Variants in PTPRT observed in about 807,000 individuals in gnomAD.
The protein encoded by PTPRT is protein tyrosine phosphatase receptor type T, also known as receptor-type tyrosine-protein phosphatase T.
PTPRT carries 56 observed loss-of-function variants against 176.8 expected under a neutral mutation model. That is an observed-to-expected ratio of 0.32 (90% CI 0.26 to 0.40). PTPRT has a LOEUF of 0.40. Among genes scored for constraint, PTPRT ranks in the 10% least tolerant of loss-of-function variants. The pLI is 1.00. For missense variants in PTPRT, 1,540 were observed against 1,908.2 expected (o/e 0.81, Z 3.60); for synonymous variants, 783 against 739.0 (o/e 1.06, Z -0.96).
At chr20:42,136,993 G>C (rs913543629) in intron 18 of PTPRT, among the ~76,000 whole-genome samples, 1 of 152,180 alleles carries the variant, frequency 6.6e-6, no homozygotes, top group African/African-American at 2.4e-5. Flanking sequence ...GGCAGGTTCT[G>C]GGGACATTTA....
intron 18 of PTPRT, among the ~76,000 whole-genome samples, chr20:42,135,209 C>T (rs1481332728): frequency 6.6e-6 from 1 of 152,196 alleles, no homozygotes; most frequent in Non-Finnish European, 1.5e-5. Flanking sequence ...GGTAGGTTAC[C>T]ACCTCCCCTG....
intron 2 of PTPRT, among the ~76,000 whole-genome samples, chr20:42,792,337 T>G (rs564927292): frequency 6.6e-6 from 1 of 152,324 alleles, no homozygotes; most frequent in Non-Finnish European, 1.5e-5. Flanking sequence ...ATTGTGACAA[T>G]AGCTTATTGA....
Position 42,203,310 on chromosome 20 carries a change from T to C in PTPRT, c.2343-3922A>G, listed in dbSNP as rs115351301. Among the ~76,000 whole-genome samples the C allele has an allele frequency of 3.1e-3, 466 of 152,290 alleles. 5 individuals carry two copies. Among genetic ancestry groups the C allele is most frequent in the African/African-American group, 9.7e-3 (404 of 41,564 alleles). Reference sequence around the variant, plus strand: ...CATCTCCATAGCCAAATAATTTAATTTACTACCTCATTATTTTTCTCTCTC... The same window carrying C: ...CATCTCCATAGCCAAATAATTTAATCTACTACCTCATTATTTTTCTCTCTC... On this transcript the variant is annotated intron_variant, in intron 15 of 30. Coordinates refer to ENST00000373187, the MANE Select transcript of PTPRT (RefSeq NM_007050.6).
intron 1 of PTPRT, among the ~76,000 whole-genome samples, chr20:43,060,170 T>G (rs1987397668): frequency 6.6e-6 from 1 of 152,132 alleles, no homozygotes; most frequent in Admixed American, 6.6e-5. Context: ...TACCAATTTT[T>G]ATCTTAGTCC....
chr20:42,321,794 G>A (rs896048582), intron 11 of PTPRT, among the ~76,000 whole-genome samples: 1 of 152,126 alleles, frequency 6.6e-6, no homozygotes, highest in Non-Finnish European at 1.5e-5. Context: ...TTAAAAAAAA[G>A]AATTTAAGGT....
chr20:42,338,149 T>C (rs1372593290), intron 11 of PTPRT, among the ~76,000 whole-genome samples: 1 of 152,232 alleles, frequency 6.6e-6, no homozygotes, highest in Non-Finnish European at 1.5e-5. Flanking sequence ...AATTCTTCAA[T>C]TCAGTTTATG....
At chr20:42,915,372 G>A (rs1183216232) in intron 1 of PTPRT, among the ~76,000 whole-genome samples, 4 of 152,222 alleles carry the variant, frequency 2.6e-5, no homozygotes, top group Admixed American at 1.3e-4. Flanking sequence ...ACAGTAGCTG[G>A]CCCCCAGCAA....
intron 1 of PTPRT, among the ~76,000 whole-genome samples, chr20:43,015,584 T>A (rs1189458475): frequency 6.6e-6 from 1 of 152,128 alleles, no homozygotes; most frequent in Non-Finnish European, 1.5e-5. Context: ...TACACACACA[T>A]GTGCCCTCTG....
At chr20:43,108,132 G>A (rs542720288) in intron 1 of PTPRT, among the ~76,000 whole-genome samples, 18 of 152,302 alleles carry the variant, frequency 1.2e-4, no homozygotes, top group Admixed American at 4.6e-4. Context: ...TGGGTCTTCC[G>A]ACCACTTTGA....
chr20:42,110,301 C>T (rs375195675), intron 23 of PTPRT, 32 bp downstream of exon 23: 375 of 1,563,020 alleles, frequency 2.4e-4, no homozygotes, highest in Admixed American at 1.1e-3. Flanking sequence ...CTGCCCGCCT[C>T]GGCCTCCCAA....
chr20:42,271,698 T>C (rs940199219), intron 13 of PTPRT, among the ~76,000 whole-genome samples: 1 of 152,214 alleles, frequency 6.6e-6, no homozygotes, highest in East Asian at 1.9e-4. Flanking sequence ...CCCTGGTTTG[T>C]CTGGCTTTAA....
At chr20:42,232,384 C>T (rs764305854) in intron 15 of PTPRT, among the ~76,000 whole-genome samples, 56 of 152,184 alleles carry the variant, frequency 3.7e-4, no homozygotes, top group Non-Finnish European at 6.8e-4. Flanking sequence ...GAATCACCTG[C>T]GACCTTGTTA....
intron 1 of PTPRT, among the ~76,000 whole-genome samples, chr20:42,929,971 T>G (rs1348544331): frequency 6.6e-6 from 1 of 152,244 alleles, no homozygotes; most frequent in Admixed American, 6.5e-5. Flanking sequence ...CCCATCTCAG[T>G]GCCTGATCTG....
At chr20:42,782,728 G>T (rs1463428199) in intron 3 of PTPRT, among the ~76,000 whole-genome samples, 1 of 152,174 alleles carries the variant, frequency 6.6e-6, no homozygotes, top group Admixed American at 6.5e-5. Flanking sequence ...GTTGAAGAAA[G>T]ACATAATAAA....
chr20:42,462,405 G>A (rs139486643), intron 8 of PTPRT, among the ~76,000 whole-genome samples: 1 of 149,654 alleles, frequency 6.7e-6, no homozygotes, highest in African/African-American at 2.4e-5. Context: ...AGCACAGGCA[G>A]GAAATCAGAT....
intron 9 of PTPRT, among the ~76,000 whole-genome samples, chr20:42,352,823 G>A (rs2227156): frequency 0.48 from 73,090 of 151,864 alleles, 18,660 homozygotes; most frequent in East Asian, 0.86. Context: ...AAAATACCTC[G>A]TGTAACCCAT....
At chr20:43,049,038 G>A (rs911509421) in intron 1 of PTPRT, among the ~76,000 whole-genome samples, 2 of 152,138 alleles carry the variant, frequency 1.3e-5, no homozygotes, top group Non-Finnish European at 1.5e-5. Context: ...ACAAGAGAAC[G>A]AAATGAATAT....
chr20:42,520,278 A>G (rs894514324), intron 7 of PTPRT, among the ~76,000 whole-genome samples: 3 of 152,134 alleles, frequency 2.0e-5, no homozygotes, highest in African/African-American at 7.2e-5. Context: ...AGCTTAATGA[A>G]TATTTATGAA....
chr20:43,141,553 C>T (rs2014004702), intron 1 of PTPRT, among the ~76,000 whole-genome samples: 1 of 152,162 alleles, frequency 6.6e-6, no homozygotes, highest in Non-Finnish European at 1.5e-5. Flanking sequence ...ATTTGCTACT[C>T]TCCCATTGGC....
Sources: allele counts gnomAD v4.1 joint callset (sites outside exome capture counted in the v4.1 genomes callset), GRCh38; gene constraint gnomAD v4.1.1; transcripts MANE v1.5; gene names NCBI Gene and HGNC (gene_info 2026-07-23, HGNC 2026-07-21).